Variants in MATN2 observed in about 807,000 individuals in gnomAD.
The protein encoded by MATN2 is matrilin 2.
Under a neutral mutation model 103.2 loss-of-function variants are expected in MATN2, and 69 were observed. That is an observed-to-expected ratio of 0.67 (90% CI 0.55 to 0.82). MATN2 has a LOEUF of 0.82. MATN2 is among the 40% of genes least tolerant of loss of function. The pLI, the probability that MATN2 is intolerant of heterozygous loss-of-function variation, is 0.00. For synonymous variants in MATN2, 429 were observed against 450.2 expected, an observed-to-expected ratio of 0.95 and a Z score of 0.60; for missense variants, 1,023 against 1,211.5, an observed-to-expected ratio of 0.84 and a Z score of 2.31.
chr8:98,032,222 T>C, intron 15 of MATN2, 24 bp from the exon 16 acceptor site: 2 of 1,596,020 alleles, frequency 1.3e-6, no homozygotes, highest in East Asian at 2.3e-5. Context: ...CCATCACTTC[T>C]TTTGGTCATC....
In MATN2 at chr8:97,870,861, G is replaced by C. The variant is rs557278444; in HGVS notation, c.-27+1574G>C. Among the ~76,000 whole-genome samples the C allele has an allele frequency of 3.3e-5, 5 of 152,316 alleles. No homozygotes were observed. The South Asian group carries it at 1.0e-3, about 32-fold the overall frequency. Reference sequence around the variant, plus strand: ...CTCAGTCCCTGAAACTTGGCACTTAGAATCCTCTGTGGAGAATGAGATACT... The same window carrying C: ...CTCAGTCCCTGAAACTTGGCACTTACAATCCTCTGTGGAGAATGAGATACT... On this transcript the variant is annotated intron_variant, in intron 1 of 18. Transcript: ENST00000254898.
At chr8:98,026,549 A>G (rs1457272894) in intron 13 of MATN2, among the ~76,000 whole-genome samples, 1 of 152,148 alleles carries the variant, frequency 6.6e-6, no homozygotes, top group African/African-American at 2.4e-5. Flanking sequence ...GAGCCACTGC[A>G]CTAAGGCTAA....
intron 5 of MATN2, among the ~76,000 whole-genome samples, chr8:97,969,421 A>G (rs771651449): frequency 2.0e-5 from 3 of 152,238 alleles, no homozygotes; most frequent in Admixed American, 1.3e-4. Flanking sequence ...TAAATAAGAT[A>G]GTGAGTGACA....
At chr8:97,955,275 G>A (rs1234574703) in intron 4 of MATN2, among the ~76,000 whole-genome samples, 1 of 152,160 alleles carries the variant, frequency 6.6e-6, no homozygotes, top group Non-Finnish European at 1.5e-5. Context: ...GGCTACAGGA[G>A]GATGCTAGGC....
At chr8:98,008,823 C>A (rs1192731098) in intron 10 of MATN2, among the ~76,000 whole-genome samples, 1 of 151,802 alleles carries the variant, frequency 6.6e-6, no homozygotes, top group Non-Finnish European at 1.5e-5. Flanking sequence ...AGGAGTCATT[C>A]TTCTGTCCAC....
At chr8:97,873,113 T>C (rs1022077044) in intron 1 of MATN2, among the ~76,000 whole-genome samples, 5 of 152,218 alleles carry the variant, frequency 3.3e-5, no homozygotes, top group Admixed American at 2.0e-4. Context: ...CCTTTTGCCA[T>C]GTAAGGCAAC....
Position 97,967,516 on chromosome 8 carries a change from A to T in MATN2, c.958+5986A>T, listed in dbSNP as rs561459807. Among the ~76,000 whole-genome samples, 8 of 152,338 alleles carry T rather than the reference A, an allele frequency of 5.3e-5. No homozygotes were observed. In the East Asian group the frequency reaches 1.5e-3, roughly 29 times the overall value. ...GCACTGGGTAAATATTCTCATTTCAAAAGGGAGAAATTGGCCAAAACAAAG... is the reference window on the plus strand; with the variant it reads ...GCACTGGGTAAATATTCTCATTTCATAAGGGAGAAATTGGCCAAAACAAAG... On this transcript the variant is annotated intron_variant, in intron 5 of 18. Coordinates refer to ENST00000254898, the MANE Select transcript of MATN2 (RefSeq NM_002380.5).
Position 98,035,830 on chromosome 8 carries a change from G to A in MATN2, c.*118G>A, listed in dbSNP as rs2130468975. On this transcript the variant is annotated 3_prime_UTR_variant, in exon 19 of 19. Transcript: ENST00000254898. ...ATAATGTTGTGAAGTAAAACAATCA[G>A]TACTGAGAAACCTGGTTTGCCACAG... The A allele has an allele frequency of 1.9e-6, 1 of 531,494 alleles. No homozygotes were observed. Among genetic ancestry groups the A allele is most frequent in the Non-Finnish European group, 3.2e-6 (1 of 310,530 alleles). 32.9% of individuals were successfully genotyped at this position (531,494 alleles called of 1,614,324 possible). A position where few individuals can be genotyped will look rare whatever the true frequency, so the allele number is the denominator to read the frequency against.
intron 1 of MATN2, among the ~76,000 whole-genome samples, chr8:97,881,289 C>T (rs2129952954): frequency 6.6e-6 from 1 of 152,314 alleles, no homozygotes; most frequent in Non-Finnish European, 1.5e-5. Context: ...AGTTAAAGCC[C>T]AGAGAGTTGT....
intron 18 of MATN2, 84 bp from the exon 19 acceptor site, chr8:98,035,573 C>A (rs1171353666): frequency 1.1e-5 from 9 of 843,690 alleles, no homozygotes; most frequent in South Asian, 2.0e-5. Context: ...TTTCAGAAGC[C>A]AAAATTTTAC....
intron 6 of MATN2, among the ~76,000 whole-genome samples, chr8:97,986,692 T>C (rs1812206770): frequency 6.6e-6 from 1 of 152,266 alleles, no homozygotes; most frequent in African/African-American, 2.4e-5. Flanking sequence ...TTGATAGGCA[T>C]TGGGACTGGT....
intron 2 of MATN2, among the ~76,000 whole-genome samples, chr8:97,922,727 T>A (rs913700824): frequency 2.3e-4 from 35 of 152,210 alleles, no homozygotes; most frequent in Non-Finnish European, 4.7e-4. Context: ...AGTCAACCAT[T>A]CCCTCTCTCC....
rs141472766 is a variant in MATN2 at position 97,902,265 on chromosome 8, G to T, written c.142+14023G>T. On this transcript the variant is annotated intron_variant, in intron 2 of 18. Transcript: ENST00000254898. Reference sequence around the variant, plus strand: ...AATCCCAGCACTTTGGGAGGCCGTGGTGGGCAGATCACTTGAGGTCAGGAG... The same window carrying T: ...AATCCCAGCACTTTGGGAGGCCGTGTTGGGCAGATCACTTGAGGTCAGGAG... Among the ~76,000 whole-genome samples the T allele has an allele frequency of 3.9e-3, 586 of 151,656 alleles. 2 individuals are homozygous for T. The highest frequency in any genetic ancestry group is 0.013 in the African/African-American group (551 of 41,422).
At chr8:98,003,865 T>C in intron 8 of MATN2, 82 bp downstream of exon 8, 1 of 1,525,692 alleles carries the variant, frequency 6.6e-7, no homozygotes, top group South Asian at 1.1e-5. Flanking sequence ...CAACCAGTTA[T>C]TTCTGGAGCC....
At chr8:97,993,039 A>G (rs1403984865) in intron 6 of MATN2, among the ~76,000 whole-genome samples, 2 of 152,146 alleles carry the variant, frequency 1.3e-5, no homozygotes, top group Non-Finnish European at 2.9e-5. Flanking sequence ...CTGAAAGCCA[A>G]GCAGCCATAG....
chr8:98,030,718 A>T, intron 15 of MATN2, 104 bp downstream of exon 15: 1 of 1,112,272 alleles, frequency 9.0e-7, no homozygotes, highest in South Asian at 1.5e-5. Context: ...GCTGGAGTGC[A>T]GTGGCACAAT....
intron 6 of MATN2, among the ~76,000 whole-genome samples, chr8:97,987,197 T>C (rs2130333726): frequency 6.6e-6 from 1 of 152,282 alleles, no homozygotes; most frequent in Admixed American, 6.5e-5. Flanking sequence ...TGTACTAGTT[T>C]ACATTCCCAC....
chr8:97,869,150 C>A lies in MATN2; in HGVS notation c.-164C>A, dbSNP rs1394762031. The A allele has an allele frequency of 6.6e-6, 1 of 152,458 alleles. No homozygotes were observed. The highest frequency in any genetic ancestry group is 6.5e-5 in the Admixed American group (1 of 15,286). 9.4% of individuals were successfully genotyped at this position (152,458 alleles called of 1,614,324 possible). On this transcript the variant is annotated 5_prime_UTR_variant, in exon 1 of 19. Transcript: ENST00000254898. ...GCGGCGGCGGAGACAGAGGCAGAGG[C>A]AGAAGCTGGGGCTCCGTCCTCGCCT...
At position 97,888,181 on chromosome 8, in the gene MATN2, ACGTG is replaced by A. The variant is rs1818510295; in HGVS notation, c.82_85del (p.Arg28GlyfsTer107). On this transcript the variant is annotated frameshift_variant, in exon 2 of 19. Transcript: ENST00000254898. LOFTEE classifies it high-confidence loss of function. ...TCCCTGCCGAGGCCAGGGAGCGGTC[ACGTG>A]GGAGGTCCATCTCTAGGGGCAGACA... The A allele has an allele frequency of 1.2e-6, 2 of 1,605,194 alleles. No individual in the cohort carries two copies. The highest frequency in any genetic ancestry group is 3.4e-5 in the Admixed American group (2 of 59,296).
Sources: allele counts gnomAD v4.1 joint callset (sites outside exome capture counted in the v4.1 genomes callset), GRCh38; gene constraint gnomAD v4.1.1; transcripts MANE v1.5; gene names NCBI Gene and HGNC (gene_info 2026-07-23, HGNC 2026-07-21).